CACNA2D2: variants seen among roughly 807,000 people sequenced by gnomAD.
CACNA2D2 encodes calcium voltage-gated channel auxiliary subunit alpha2delta 2.
A neutral mutation model predicts 166.4 loss-of-function variants in CACNA2D2; 48 were observed. That is an observed-to-expected ratio of 0.29 (90% CI 0.23 to 0.37). The LOEUF (loss-of-function observed/expected upper bound fraction) is 0.37, where lower values mean the gene tolerates loss of function less well. CACNA2D2 is among the 10% of genes least tolerant of loss of function. The pLI, the probability that CACNA2D2 is intolerant of heterozygous loss-of-function variation, is 1.00. For synonymous variants in CACNA2D2, 561 were observed against 573.7 expected (o/e 0.98, Z 0.32); for missense variants, 1,122 against 1,433.0 (o/e 0.78, Z 3.50).
intron 3 of CACNA2D2, among the ~76,000 whole-genome samples, chr3:50,422,593 C>A (rs934910689): frequency 6.6e-6 from 1 of 152,204 alleles, no homozygotes; most frequent in South Asian, 2.1e-4. Context: ...ATAGCGATAG[C>A]CACACGGCAC....
intron 2 of CACNA2D2, among the ~76,000 whole-genome samples, chr3:50,454,605 C>T (rs1411544951): frequency 6.6e-6 from 1 of 152,232 alleles, no homozygotes; most frequent in Non-Finnish European, 1.5e-5. Flanking sequence ...GTCCCAGAAT[C>T]CCTCAGCCCG....
intron 2 of CACNA2D2, among the ~76,000 whole-genome samples, chr3:50,462,608 G>A (rs1709641834): frequency 6.6e-6 from 1 of 151,920 alleles, no homozygotes; most frequent in African/African-American, 2.4e-5. Context: ...CGAGGGATGG[G>A]CTGGGGGAGG....
At chr3:50,434,847 C>T (rs1490924006) in intron 2 of CACNA2D2, among the ~76,000 whole-genome samples, 5 of 152,222 alleles carry the variant, frequency 3.3e-5, no homozygotes, top group Non-Finnish European at 5.9e-5. Flanking sequence ...ACACCACATA[C>T]CCCATCCCAA....
intron 3 of CACNA2D2, among the ~76,000 whole-genome samples, chr3:50,408,233 G>T (rs1706816280): frequency 6.6e-6 from 1 of 152,216 alleles, no homozygotes; most frequent in Non-Finnish European, 1.5e-5. Flanking sequence ...CTGTGTCCCT[G>T]GGCAGCAAGG....
intron 2 of CACNA2D2, among the ~76,000 whole-genome samples, chr3:50,439,476 C>G (rs989611596): frequency 6.6e-6 from 1 of 152,260 alleles, no homozygotes; most frequent in Non-Finnish European, 1.5e-5. Context: ...ACCCAGCTCA[C>G]CTTGGGGTTT....
rs777456761 is a variant in CACNA2D2, at chr3:50,476,211, G to C, written c.207-12C>G. 2 of 1,573,416 alleles carry C rather than the reference G, an allele frequency of 1.3e-6. No individual in the cohort carries two copies. Among genetic ancestry groups the C allele is most frequent in the South Asian group, 2.3e-5 (2 of 86,436 alleles). On this transcript the variant is annotated splice_polypyrimidine_tract_variant and intron_variant, in intron 1 of 37. Transcript: ENST00000424201. ...CCCAGTGCTGCATCCTGTATGCAGA[G>C]AGAGGAGAGAGGTGTCAGGAGGGCC...
At chr3:50,409,016 C>T (rs958556358) in intron 3 of CACNA2D2, among the ~76,000 whole-genome samples, 12 of 152,240 alleles carry the variant, frequency 7.9e-5, no homozygotes, top group African/African-American at 2.9e-4. Context: ...GCTGGCTTAG[C>T]CCCCGACCTC....
Position 50,375,855 on chromosome 3 carries a change from T to C in CACNA2D2, c.1799A>G (p.Asn600Ser), listed in dbSNP as rs1704950381. ...CGTTCTGATCTGCTTGTGGCCCTTG[T>C]TGCCATCAATCATGCTCCGACGGAT... Reference protein sequence around the residue: ...EEIRRSMIDGNKGHKQIRTLV... With the variant: ...EEIRRSMIDGSKGHKQIRTLV... The change falls in exon 20 of 38, where the codon AAC becomes AGC. Residue 600 changes from asparagine (N) to serine (S), a missense_variant. By Grantham distance (46) the Asn-to-Ser change is conservative. Transcript: ENST00000424201. This position sits in a 1 kb window ranked among gnomAD's most constrained non-coding sequence, Gnocchi z 4.0. 1 of 1,613,034 alleles carries C rather than the reference T, an allele frequency of 6.2e-7. No homozygotes were observed. Among genetic ancestry groups the C allele is most frequent in the Non-Finnish European group, 8.5e-7 (1 of 1,179,984 alleles).
At chr3:50,401,122 T>C (rs1706427672) in intron 3 of CACNA2D2, among the ~76,000 whole-genome samples, 1 of 152,220 alleles carries the variant, frequency 6.6e-6, no homozygotes, top group Non-Finnish European at 1.5e-5. Flanking sequence ...AATAAACATT[T>C]CTGGCACAGA....
At chr3:50,499,532 C>A (rs1328386513) in intron 1 of CACNA2D2, among the ~76,000 whole-genome samples, 1 of 152,236 alleles carries the variant, frequency 6.6e-6, no homozygotes, top group Admixed American at 6.5e-5. Context: ...CCCAATGGAG[C>A]CTGCAAAGTC....
chr3:50,486,206 G>C (rs1369623027), intron 1 of CACNA2D2, among the ~76,000 whole-genome samples: 1 of 152,214 alleles, frequency 6.6e-6, no homozygotes, highest in African/African-American at 2.4e-5. Flanking sequence ...AGAGAGCACA[G>C]TAGGGTTGGG....
At chr3:50,378,156 T>C (rs1040269355) in intron 14 of CACNA2D2, 59 bp from the exon 15 acceptor site, 1 of 1,586,118 alleles carries the variant, frequency 6.3e-7, no homozygotes, top group South Asian at 1.1e-5. Context: ...GCCTGTTCTG[T>C]CTCGCCAGGC....
At chr3:50,411,375 G>C (rs1486735446) in intron 3 of CACNA2D2, among the ~76,000 whole-genome samples, 2 of 152,208 alleles carry the variant, frequency 1.3e-5, no homozygotes, top group Non-Finnish European at 2.9e-5. Context: ...CTTGGTGCTA[G>C]AGACATAGGA....
chr3:50,439,093 G>T (rs1026857985), intron 2 of CACNA2D2, among the ~76,000 whole-genome samples: 17 of 152,226 alleles, frequency 1.1e-4, no homozygotes, highest in African/African-American at 4.1e-4. Flanking sequence ...CTTGCTTTAG[G>T]TCATACTCTT....
Position 50,376,132 on chromosome 3 carries a change from G to A in CACNA2D2, c.1683C>T (p.His561=), listed in dbSNP as rs141525581. 2.8e-4 allele frequency: 452 copies of A among 1,613,416 alleles called. No homozygotes were observed. The highest frequency in any genetic ancestry group is 3.6e-4 in the Non-Finnish European group (426 of 1,180,006). Residue 561 remains histidine, a synonymous_variant, in exon 18 of 38, where the codon CAC becomes CAT. Transcript: ENST00000424201. The surrounding 1 kb of genome is among the most constrained non-coding windows in gnomAD (Gnocchi z 4.3). ...GGCTCACCTGGGGCTTGAGATTGGGGTGCAGCAACACGTAGCCGTTCAGGT... is the reference window on the plus strand; with the variant it reads ...GGCTCACCTGGGGCTTGAGATTGGGATGCAGCAACACGTAGCCGTTCAGGT... The part of the protein sequence containing the change: ...AIDLNGYVLL[H]PNLKPQTTNF...
At chr3:50,463,816 G>A (rs574850716) in intron 2 of CACNA2D2, among the ~76,000 whole-genome samples, 2 of 152,354 alleles carry the variant, frequency 1.3e-5, no homozygotes, top group Admixed American at 6.5e-5. Context: ...AAGGCTGGGC[G>A]TGAGAGAGCC....
chr3:50,462,655 C>G (rs907769256), intron 2 of CACNA2D2, among the ~76,000 whole-genome samples: 1 of 151,468 alleles, frequency 6.6e-6, no homozygotes, highest in East Asian at 1.9e-4. Context: ...AGGATGCCCA[C>G]GGATAATGCC....
Position 50,362,749 on chromosome 3 carries a change from T to C in CACNA2D2, c.*1917A>G. ...ACTCTGAGGTCTTGGCCAACTGTCT[T>C]CATAGCTACCCAGTCCTCACCCCCA... On this transcript the variant is annotated 3_prime_UTR_variant, in exon 38 of 38. Coordinates refer to ENST00000424201, the MANE Select transcript of CACNA2D2 (RefSeq NM_006030.4). 6.2e-6 allele frequency: 1 copy of C among 162,538 alleles called. No homozygotes were observed. The highest frequency in any genetic ancestry group is 1.3e-5 in the Non-Finnish European group (1 of 75,190). The allele number at this position is 162,538 out of a possible 1,614,324, so 10.1% of individuals were successfully genotyped here.
chr3:50,385,897 T>C (rs17050967), intron 5 of CACNA2D2, among the ~76,000 whole-genome samples: 4,780 of 152,308 alleles, frequency 0.031, 254 homozygotes, highest in African/African-American at 0.11. Context: ...CCCAACTTTC[T>C]CAACTAATGT....
Sources: gnomAD v4.1 joint callset for allele counts (sites outside exome capture counted in the v4.1 genomes callset) on GRCh38, gnomAD v4.1.1 for gene constraint, Gnocchi (gnomAD v3.1) non-coding constraint, MANE v1.5 for transcripts, NCBI Gene and HGNC (gene_info 2026-07-23, HGNC 2026-07-21) for gene names.